Variants in ZEB1 observed in about 807,000 individuals in gnomAD.
ZEB1 encodes the protein zinc finger E-box-binding homeobox 1.
In ZEB1, 21 loss-of-function variants were observed where a neutral mutation model predicts 84.9. The observed-to-expected ratio is 0.25, with a 90% CI of 0.18 to 0.36. The LOEUF is 0.36. Among genes scored for constraint, ZEB1 ranks in the 10% least tolerant of loss-of-function variants. ZEB1 has a pLI of 1.00. For missense variants in ZEB1, 1,104 were observed against 1,330.2 expected (o/e 0.83, Z 2.65); for synonymous variants, 420 against 471.1 (o/e 0.89, Z 1.41).
At chr10:31,385,438 A>G (rs1238393133) in intron 1 of ZEB1, among the ~76,000 whole-genome samples, 1 of 152,166 alleles carries the variant, frequency 6.6e-6, no homozygotes, top group Non-Finnish European at 1.5e-5. Context: ...TAAAGTATAC[A>G]CATTCAGTCC....
At chr10:31,353,356 A>G (rs2041613019) in intron 1 of ZEB1, among the ~76,000 whole-genome samples, 1 of 152,280 alleles carries the variant, frequency 6.6e-6, no homozygotes, top group South Asian at 2.1e-4. Flanking sequence ...AGTTTATAAC[A>G]TTAACATAAT....
chr10:31,323,281 C>T (rs1273955545), intron 1 of ZEB1, among the ~76,000 whole-genome samples: 1 of 151,710 alleles, frequency 6.6e-6, no homozygotes, highest in African/African-American at 2.4e-5. Context: ...AGTAAGATCC[C>T]TTAAAATATA....
chr10:31,319,019 G>A, upstream of ZEB1: 1 of 617,308 alleles, frequency 1.6e-6, no homozygotes, highest in South Asian at 1.8e-5. Context: ...AAATTCAGCA[G>A]TGCCCACGGT....
chr10:31,407,656 C>T (rs1374486196), intron 1 of ZEB1, among the ~76,000 whole-genome samples: 2 of 152,112 alleles, frequency 1.3e-5, no homozygotes, highest in African/African-American at 4.8e-5. Context: ...ATGATTATCT[C>T]AATAGATGCA....
At chr10:31,363,670 C>G (rs2043831749) in intron 1 of ZEB1, 1 of 1,364,102 alleles carries the variant, frequency 7.3e-7, no homozygotes, top group Non-Finnish European at 1.0e-6. Context: ...AAACTTGCCT[C>G]TGAGACAAGG....
chr10:31,356,447 GTTGA>G (rs1418397195), intron 1 of ZEB1, among the ~76,000 whole-genome samples: 2 of 151,828 alleles, frequency 1.3e-5, no homozygotes, highest in Admixed American at 6.6e-5. Context: ...TTTCCTATTG[GTTGA>G]TTGATTGAAA....
At chr10:31,362,858 G>T in intron 1 of ZEB1, 1 of 1,189,696 alleles carries the variant, frequency 8.4e-7, no homozygotes, top group African/African-American at 1.5e-5. Flanking sequence ...CTAAGCAACT[G>T]TCTTAGTCTC....
intron 1 of ZEB1, chr10:31,321,078 G>A (rs948298287): frequency 1.2e-5 from 11 of 928,022 alleles, no homozygotes; most frequent in Non-Finnish European, 1.2e-5. Context: ...GGAAATACGT[G>A]TTTAGGAGAA....
chr10:31,324,180 C>G (rs147367977), intron 1 of ZEB1, among the ~76,000 whole-genome samples: 32 of 151,964 alleles, frequency 2.1e-4, no homozygotes, highest in Admixed American at 3.9e-4. Flanking sequence ...AAATATTAAT[C>G]GTTTATGAAG....
At chr10:31,417,288 T>G (rs2055378645) in intron 1 of ZEB1, among the ~76,000 whole-genome samples, 1 of 152,120 alleles carries the variant, frequency 6.6e-6, no homozygotes, top group South Asian at 2.1e-4. Flanking sequence ...CCACTTCTTG[T>G]CCTAGTGCAT....
chr10:31,417,954 C>G (rs934945123), intron 1 of ZEB1, among the ~76,000 whole-genome samples: 2 of 152,018 alleles, frequency 1.3e-5, no homozygotes, highest in Non-Finnish European at 2.9e-5. Context: ...TTCTTGAATA[C>G]AGGTAAATAC....
At chr10:31,319,518 GTC>G (rs2033127794) in intron 1 of ZEB1, 1 of 563,326 alleles carries the variant, frequency 1.8e-6, no homozygotes, top group South Asian at 2.1e-5. Flanking sequence ...CTCTTACCTG[GTC>G]TCTCTCCGCC....
intron 2 of ZEB1, among the ~76,000 whole-genome samples, chr10:31,492,530 C>G (rs1814795134): frequency 6.6e-6 from 1 of 151,640 alleles, no homozygotes; most frequent in African/African-American, 2.4e-5. Context: ...AGTATCTATA[C>G]AGGTATAAAT....
intron 1 of ZEB1, among the ~76,000 whole-genome samples, chr10:31,360,608 G>C (rs1041396948): frequency 4.6e-5 from 7 of 152,210 alleles, no homozygotes; most frequent in African/African-American, 1.7e-4. Context: ...CAGTGGATCA[G>C]ATGAATAAAA....
At position 31,529,259 on chromosome 10, in the gene ZEB1, G is replaced by A. The variant is rs1429946071; in HGVS notation, c.*1995G>A. 1.3e-5 allele frequency: 2 copies of A among 152,152 alleles called. No homozygotes were observed. The highest frequency in any genetic ancestry group is 2.9e-5 in the Non-Finnish European group (2 of 68,028). The allele number at this position is 152,152 out of a possible 1,614,324, so 9.4% of individuals were successfully genotyped here. On this transcript the variant is annotated 3_prime_UTR_variant, in exon 9 of 9. Coordinates refer to ENST00000424869, the MANE Select transcript of ZEB1 (RefSeq NM_001174096.2). ...TTTCTTTGGAAAACTGTGAAATGGG[G>A]TACATTGTCATCCTGCATTTGATTC...
Position 31,521,356 on chromosome 10 carries a change from C to T in ZEB1, c.2024C>T (p.Thr675Ile), listed in dbSNP as rs1158797168. 6.8e-6 allele frequency: 11 copies of T among 1,613,964 alleles called. No homozygotes were observed. The highest frequency in any genetic ancestry group is 8.5e-6 in the Non-Finnish European group (10 of 1,180,008). The change falls in exon 7 of 9, where the codon ACA (threonine) becomes ATA (isoleucine). Residue 675 changes from threonine to isoleucine, a missense_variant. Coordinates refer to ENST00000424869, the MANE Select transcript of ZEB1 (RefSeq NM_001174096.2). ...SANANEPQDS[T>I]VNLQSPLKMT... ...AATGCAAATGAACCCCAGGACAGCA[C>T]AGTAAATCTACAAAGTCCTTTGAAG... is the stretch of plus-strand genomic sequence containing the variant.
chr10:31,462,118 A>G (rs1021977681), intron 2 of ZEB1, among the ~76,000 whole-genome samples: 1 of 152,194 alleles, frequency 6.6e-6, no homozygotes, highest in Non-Finnish European at 1.5e-5. Context: ...TATCAAAACT[A>G]AAATCTGGAA....
At chr10:31,446,390 G>A (rs1209964883) in intron 1 of ZEB1, among the ~76,000 whole-genome samples, 2 of 151,686 alleles carry the variant, frequency 1.3e-5, no homozygotes, top group Non-Finnish European at 2.9e-5. Context: ...TTTTTTGAAG[G>A]GTTTTTTGTC....
intron 5 of ZEB1, 52 bp downstream of exon 5, chr10:31,510,927 C>T: frequency 6.5e-7 from 1 of 1,538,608 alleles, no homozygotes; most frequent in Non-Finnish European, 9.0e-7. Context: ...GACAACTCAG[C>T]CCTCAATGGA....
Sources: gnomAD v4.1 joint callset for allele counts (sites outside exome capture counted in the v4.1 genomes callset) on GRCh38, gnomAD v4.1.1 for gene constraint, MANE v1.5 for transcripts, NCBI Gene and HGNC (gene_info 2026-07-23, HGNC 2026-07-21) for gene names.